The following FHIT variants were observed in gnomAD, a reference collection of about 807,000 sequenced individuals.
The protein encoded by FHIT is fragile histidine triad diadenosine triphosphatase.
FHIT carries 19 observed loss-of-function variants against 17.9 expected under a neutral mutation model. The ratio of observed to expected loss-of-function variants is 1.06; its 90% CI spans 0.74 to 1.56. The LOEUF is 1.56. Ranked by LOEUF, FHIT falls within the 40% of genes most tolerant of loss-of-function variation. The pLI is 0.00. For missense variants in FHIT, 248 were observed against 189.2 expected (o/e 1.31, Z -1.82); for synonymous variants, 81 against 69.7 (o/e 1.16, Z -0.81).
At position 60,811,222 on chromosome 3, in the gene FHIT, G is replaced by A. The variant is rs368040150; in HGVS notation, c.-18+10697C>T. On this transcript the variant is annotated intron_variant, in intron 4 of 9. Coordinates refer to ENST00000492590, the MANE Select transcript of FHIT (RefSeq NM_002012.4). ...CTGACTGTCCTGAGATTTCTACCAT[G>A]AGCCTTTATTGGAGTTCTATAAGAA... 6.0e-4 allele frequency among the ~76,000 whole-genome samples: 92 copies of A among 152,258 alleles called. 4 individuals are homozygous for A. The South Asian group carries it at 0.019, about 31-fold the overall frequency.
At chr3:59,923,618 G>C (rs1385684042) in intron 7 of FHIT, among the ~76,000 whole-genome samples, 1 of 152,100 alleles carries the variant, frequency 6.6e-6, no homozygotes, top group African/African-American at 2.4e-5. Flanking sequence ...TTCTGCCCTT[G>C]AGCTATGTTC....
intron 7 of FHIT, among the ~76,000 whole-genome samples, chr3:59,977,165 T>C (rs895993280): frequency 1.3e-5 from 2 of 152,148 alleles, no homozygotes; most frequent in Admixed American, 1.3e-4. Flanking sequence ...TCTCATTTTA[T>C]AGATAGCACA....
intron 4 of FHIT, among the ~76,000 whole-genome samples, chr3:60,649,203 C>G (rs143433131): frequency 1.2e-3 from 187 of 152,208 alleles, no homozygotes; most frequent in African/African-American, 4.4e-3. Flanking sequence ...CGAGACCATT[C>G]TGGCTAACAC....
At chr3:60,523,483 A>G (rs2035452147) in intron 5 of FHIT, among the ~76,000 whole-genome samples, 1 of 151,942 alleles carries the variant, frequency 6.6e-6, no homozygotes. Flanking sequence ...AGGTTTCATC[A>G]AAGGGATCAT....
chr3:60,509,404 A>G (rs2034858376), intron 5 of FHIT, among the ~76,000 whole-genome samples: 1 of 152,224 alleles, frequency 6.6e-6, no homozygotes, highest in Non-Finnish European at 1.5e-5. Flanking sequence ...TGATTCTCAG[A>G]TAAGACAAGT....
At chr3:61,083,306 G>C (rs757562241) in intron 2 of FHIT, among the ~76,000 whole-genome samples, 1 of 152,064 alleles carries the variant, frequency 6.6e-6, no homozygotes, top group Non-Finnish European at 1.5e-5. Flanking sequence ...AGAAAGAAAC[G>C]TTGGCCCGGC....
At chr3:59,911,971 G>A (rs909692447) in intron 8 of FHIT, among the ~76,000 whole-genome samples, 1 of 152,188 alleles carries the variant, frequency 6.6e-6, no homozygotes, top group Non-Finnish European at 1.5e-5. Context: ...AAAGGCAGCA[G>A]AGAGAAAAGA....
Position 61,176,586 on chromosome 3 carries a change from T to G in FHIT, c.-164+24031A>C, listed in dbSNP as rs554194168. On this transcript the variant is annotated intron_variant, in intron 2 of 9. Coordinates refer to ENST00000492590, the MANE Select transcript of FHIT (RefSeq NM_002012.4). ...GCTTTTTTTATTCTCCCAATTCACT[T>G]AAGAATTTGCAATATCCACCTCGAG... 2.1e-4 allele frequency among the ~76,000 whole-genome samples: 32 copies of G among 152,322 alleles called. No homozygotes were observed. In the South Asian group the frequency reaches 6.4e-3, roughly 31 times the overall value.
intron 4 of FHIT, among the ~76,000 whole-genome samples, chr3:60,708,655 T>C (rs986464721): frequency 1.2e-4 from 19 of 152,144 alleles, no homozygotes; most frequent in Non-Finnish European, 2.5e-4. Flanking sequence ...GCCCTAAAAT[T>C]AAAATTCCAG....
chr3:60,468,596 CT>C (rs2032923110), intron 5 of FHIT, among the ~76,000 whole-genome samples: 1 of 152,008 alleles, frequency 6.6e-6, no homozygotes, highest in Non-Finnish European at 1.5e-5. Context: ...CATACCCCTG[CT>C]TTTTAACTTT....
chr3:60,244,001 C>T (rs181990784), intron 5 of FHIT, among the ~76,000 whole-genome samples: 1 of 152,006 alleles, frequency 6.6e-6, no homozygotes, highest in African/African-American at 2.4e-5. Flanking sequence ...AAAACTCAGA[C>T]AGGTCTTACA....
At chr3:60,473,600 A>G (rs1340239484) in intron 5 of FHIT, among the ~76,000 whole-genome samples, 4 of 152,184 alleles carry the variant, frequency 2.6e-5, no homozygotes, top group Non-Finnish European at 5.9e-5. Context: ...CTTTGGAAAT[A>G]CTGATTTGAG....
intron 4 of FHIT, among the ~76,000 whole-genome samples, chr3:60,541,647 C>T (rs1314708110): frequency 6.6e-6 from 1 of 152,172 alleles, no homozygotes; most frequent in Non-Finnish European, 1.5e-5. Context: ...GTAACAATGC[C>T]ACTTTCTTTC....
chr3:60,184,163 T>G (rs1702063455), intron 5 of FHIT, among the ~76,000 whole-genome samples: 1 of 151,982 alleles, frequency 6.6e-6, no homozygotes, highest in African/African-American at 2.4e-5. Context: ...TTTTTATTTT[T>G]TGGTAGAGAC....
chr3:60,066,429 A>G (rs746529565), intron 5 of FHIT, among the ~76,000 whole-genome samples: 17 of 152,028 alleles, frequency 1.1e-4, no homozygotes, highest in African/African-American at 4.1e-4. Flanking sequence ...CTTTGTCAAT[A>G]TCTCCATGCA....
intron 5 of FHIT, among the ~76,000 whole-genome samples, chr3:60,466,701 G>A (rs574162713): frequency 4.0e-4 from 61 of 151,836 alleles, no homozygotes; most frequent in Admixed American, 1.5e-3. Context: ...CCATCCTTGC[G>A]TAACTGGAAT....
intron 5 of FHIT, among the ~76,000 whole-genome samples, chr3:60,190,354 C>CAA (rs1702346419): frequency 7.1e-6 from 1 of 141,658 alleles, no homozygotes; most frequent in African/African-American, 2.6e-5. Context: ...GAGATGAGAC[C>CAA]AGAAAAAAAA....
At chr3:60,187,676 T>C (rs1702215211) in intron 5 of FHIT, among the ~76,000 whole-genome samples, 1 of 152,128 alleles carries the variant, frequency 6.6e-6, no homozygotes, top group South Asian at 2.1e-4. Context: ...AATAAACAGA[T>C]TTATTGTCCT....
chr3:60,030,486 A>G (rs186449561), intron 5 of FHIT, among the ~76,000 whole-genome samples: 31 of 152,320 alleles, frequency 2.0e-4, no homozygotes, highest in Admixed American at 1.6e-3. Context: ...AGACTTATCA[A>G]TCCCATCCCA....
Sources: allele counts gnomAD v4.1 joint callset (sites outside exome capture counted in the v4.1 genomes callset), GRCh38; gene constraint gnomAD v4.1.1; transcripts MANE v1.5; gene names NCBI Gene and HGNC (gene_info 2026-07-23, HGNC 2026-07-21).